The following MAMLD1 variants were observed in gnomAD, a reference collection of about 807,000 sequenced individuals.
MAMLD1 encodes the protein mastermind-like domain-containing protein 1.
In MAMLD1, 14 loss-of-function variants were observed where a neutral mutation model predicts 45.0. The observed-to-expected ratio is 0.31, with a 90% CI of 0.21 to 0.49. The LOEUF (loss-of-function observed/expected upper bound fraction) is 0.49, where lower values mean the gene tolerates loss of function less well. Ranked by LOEUF, MAMLD1 falls within the 20% of genes least tolerant of loss-of-function variation. MAMLD1 has a pLI of 0.99. For missense variants in MAMLD1, 543 were observed against 603.6 expected (o/e 0.90, Z 1.05); for synonymous variants, 254 against 247.8 (o/e 1.02, Z -0.24).
At chrX:150,370,755 C>T (rs782794097) in intron 1 of MAMLD1, among the ~76,000 whole-genome samples, 8 of 111,556 alleles carry the variant, frequency 7.2e-5, no homozygotes, top group African/African-American at 1.3e-4. Context: ...CTTCAAACCT[C>T]GAGTTTTCTC....
chrX:150,477,276 G>A (rs1216685511), intron 5 of MAMLD1, among the ~76,000 whole-genome samples: 1 of 112,795 alleles, frequency 8.9e-6, no homozygotes, highest in Non-Finnish European at 1.9e-5. Context: ...AGGTAACAGC[G>A]CTTGGCATAG....
chrX:150,425,224 C>T (rs966299270), intron 1 of MAMLD1, among the ~76,000 whole-genome samples: 1 of 111,339 alleles, frequency 9.0e-6, no homozygotes, highest in South Asian at 3.8e-4. Context: ...AGATTTTGTA[C>T]GAATCTCTGT....
chrX:150,408,463 G>GA (rs1411283585), intron 1 of MAMLD1, among the ~76,000 whole-genome samples: 1 of 111,223 alleles, frequency 9.0e-6, no homozygotes, highest in African/African-American at 3.3e-5. Context: ...TTTGAGATAA[G>GA]AAAAAAAGAA....
At chrX:150,495,943 G>A (rs1346999243) in intron 5 of MAMLD1, among the ~76,000 whole-genome samples, 8 of 112,868 alleles carry the variant, frequency 7.1e-5, no homozygotes, top group African/African-American at 2.6e-4. Flanking sequence ...CATAAATTAT[G>A]ATGCTGTTAT....
intron 1 of MAMLD1, among the ~76,000 whole-genome samples, chrX:150,429,885 T>C (rs2034857274): frequency 9.0e-6 from 1 of 110,717 alleles, no homozygotes; most frequent in Non-Finnish European, 1.9e-5. Context: ...TGGTTTTAAA[T>C]TGCATTTCCC....
At chrX:150,507,452 T>G (rs1013874807) in intron 6 of MAMLD1, among the ~76,000 whole-genome samples, 3 of 112,018 alleles carry the variant, frequency 2.7e-5, no homozygotes, top group Admixed American at 9.4e-5. Context: ...GAGAATGCTC[T>G]GGCTCCTTTG....
chrX:150,489,937 G>A (rs782153938), intron 5 of MAMLD1, among the ~76,000 whole-genome samples: 59 of 111,251 alleles, frequency 5.3e-4, no homozygotes, highest in Non-Finnish European at 6.2e-4. Context: ...TCAGACAGTA[G>A]CACAGTTCAG....
At chrX:150,500,437 T>C (rs782095853) in intron 5 of MAMLD1, among the ~76,000 whole-genome samples, 1 of 110,587 alleles carries the variant, frequency 9.0e-6, no homozygotes, top group Admixed American at 9.6e-5. Flanking sequence ...TGCGAGCCAT[T>C]GGAGGATTTT....
chrX:150,489,264 T>C (rs782247251), intron 5 of MAMLD1, among the ~76,000 whole-genome samples: 181 of 110,935 alleles, frequency 1.6e-3, no homozygotes, highest in South Asian at 4.7e-3. Flanking sequence ...GCATTATGCA[T>C]AGTTCTGGAG....
At chrX:150,477,553 C>A (rs146546966) in intron 5 of MAMLD1, among the ~76,000 whole-genome samples, 57 of 111,764 alleles carry the variant, frequency 5.1e-4, no homozygotes, top group African/African-American at 1.7e-3. Context: ...GCCAAGGCAG[C>A]AGACACAGGT....
At position 150,513,121 on chromosome X, in the gene MAMLD1, G is replaced by A. The variant is rs1200080276; in HGVS notation, c.*1162G>A. 1.9e-6 allele frequency: 2 copies of A among 1,050,961 alleles called. No individual in the cohort carries two copies. The highest frequency in any genetic ancestry group is 3.7e-5 in the African/African-American group (2 of 53,392). 86.6% of individuals were successfully genotyped at this position (1,050,961 alleles called of 1,213,427 possible). ...AACCCCCATGGTGACATCACTCTAG[G>A]AAGTGGTGTCGATCCATACCCGCAG... On this transcript the variant is annotated 3_prime_UTR_variant, in exon 8 of 8. Coordinates refer to ENST00000370401, the MANE Select transcript of MAMLD1 (RefSeq NM_005491.5).
intron 3 of MAMLD1, 121 bp from the exon 4 acceptor site, chrX:150,469,624 T>C: frequency 1.8e-6 from 1 of 551,527 alleles, no homozygotes; most frequent in South Asian, 3.0e-5. Flanking sequence ...TCTCTCTCTC[T>C]CTTTCTCTCT....
At chrX:150,378,156 C>T (rs1266682731) in intron 1 of MAMLD1, among the ~76,000 whole-genome samples, 1 of 112,149 alleles carries the variant, frequency 8.9e-6, no homozygotes, top group Non-Finnish European at 1.9e-5. Flanking sequence ...GTTCCTCAAT[C>T]TGTCTTAGTG....
At chrX:150,462,737 G>A in intron 2 of MAMLD1, 35 bp from the exon 3 acceptor site, 3 of 1,013,608 alleles carry the variant, frequency 3.0e-6, no homozygotes, top group African/African-American at 1.8e-5. Context: ...AAGAGTGTGT[G>A]CAAGTGGCTC....
chrX:150,367,273 G>C (rs1268177347), intron 1 of MAMLD1, among the ~76,000 whole-genome samples: 1 of 109,165 alleles, frequency 9.2e-6, no homozygotes, highest in Non-Finnish European at 1.9e-5. Flanking sequence ...TGGGGTGGGG[G>C]TGGGGTCTAC....
chrX:150,408,521 C>T (rs1483016089), intron 1 of MAMLD1, among the ~76,000 whole-genome samples: 2 of 111,699 alleles, frequency 1.8e-5, no homozygotes, highest in Non-Finnish European at 3.8e-5. Flanking sequence ...ACTTAAAATC[C>T]AACATTTCTA....
At chrX:150,474,929 A>C (rs1255558186) in intron 5 of MAMLD1, among the ~76,000 whole-genome samples, 3 of 111,367 alleles carry the variant, frequency 2.7e-5, no homozygotes, top group African/African-American at 9.8e-5. Context: ...TCATTCTTCC[A>C]GGGGAGAGAA....
chrX:150,454,363 A>C (rs781812966), intron 2 of MAMLD1, among the ~76,000 whole-genome samples: 1 of 112,294 alleles, frequency 8.9e-6, no homozygotes, highest in African/African-American at 3.2e-5. Flanking sequence ...CTAAGTGTAC[A>C]GTATCTAACT....
chrX:150,503,602 G>A, intron 6 of MAMLD1, 85 bp downstream of exon 6: 2 of 602,683 alleles, frequency 3.3e-6, no homozygotes, highest in South Asian at 4.8e-5. Context: ...TGCCTCACAG[G>A]GTTGTTGGGA....
Sources: gnomAD v4.1 joint callset for allele counts (sites outside exome capture counted in the v4.1 genomes callset) on GRCh38, gnomAD v4.1.1 for gene constraint, MANE v1.5 for transcripts, NCBI Gene and HGNC (gene_info 2026-07-23, HGNC 2026-07-21) for gene names.